RUNX2: variants seen among roughly 807,000 people sequenced by gnomAD.
RUNX2 encodes the protein runt-related transcription factor 2.
In RUNX2, 10 loss-of-function variants were observed where a neutral mutation model predicts 51.7. That is an observed-to-expected ratio of 0.19 (90% CI 0.12 to 0.33). RUNX2 has a LOEUF of 0.33. Ranked by LOEUF, RUNX2 falls within the 10% of genes least tolerant of loss-of-function variation. The probability of loss-of-function intolerance (pLI) is 1.00; values close to 1 mark genes in which losing one functional copy is unlikely to be tolerated. For synonymous variants in RUNX2, 276 were observed against 273.6 expected (o/e 1.01, Z -0.09); for missense variants, 562 against 691.3 (o/e 0.81, Z 2.10).
At chr6:45,396,622 T>C (rs567373050) in intron 2 of RUNX2, among the ~76,000 whole-genome samples, 12 of 152,322 alleles carry the variant, frequency 7.9e-5, no homozygotes, top group African/African-American at 2.9e-4. Flanking sequence ...TTCAGCCTGC[T>C]CTCAAATTCC....
At chr6:45,378,632 T>C (rs2150340173) in intron 2 of RUNX2, among the ~76,000 whole-genome samples, 1 of 152,260 alleles carries the variant, frequency 6.6e-6, no homozygotes, top group East Asian at 1.9e-4. Context: ...TACCATGTTT[T>C]GTTATTGAAA....
At chr6:45,509,627 C>T (rs949314629) in intron 6 of RUNX2, among the ~76,000 whole-genome samples, 1 of 152,118 alleles carries the variant, frequency 6.6e-6, no homozygotes, top group African/African-American at 2.4e-5. Flanking sequence ...TTAGCTAACC[C>T]AGATGAGGTC....
chr6:45,477,658 C>T (rs1350884702), intron 5 of RUNX2, among the ~76,000 whole-genome samples: 3 of 152,220 alleles, frequency 2.0e-5, no homozygotes, highest in Non-Finnish European at 4.4e-5. Context: ...TTCACTCCCT[C>T]AAATCTTTTA....
intron 7 of RUNX2, among the ~76,000 whole-genome samples, chr6:45,529,154 A>G (rs924937864): frequency 3.3e-5 from 5 of 152,138 alleles, no homozygotes; most frequent in African/African-American, 1.2e-4. Flanking sequence ...TTTTTCTTAT[A>G]TTTCCTGTTT....
At chr6:45,427,311 T>G (rs1336539913) in intron 3 of RUNX2, among the ~76,000 whole-genome samples, 2 of 152,098 alleles carry the variant, frequency 1.3e-5, no homozygotes, top group African/African-American at 4.8e-5. Flanking sequence ...TATCTATTGT[T>G]AGATGATCTA....
intron 5 of RUNX2, among the ~76,000 whole-genome samples, chr6:45,452,422 G>A (rs2150380811): frequency 6.6e-6 from 1 of 152,350 alleles, no homozygotes; most frequent in Admixed American, 6.5e-5. Flanking sequence ...ATTCCTTTCA[G>A]CTTTGGAGCT....
chr6:45,498,326 G>A (rs1043662320), intron 6 of RUNX2, among the ~76,000 whole-genome samples: 1 of 152,106 alleles, frequency 6.6e-6, no homozygotes, highest in South Asian at 2.1e-4. Context: ...CTTGCTGAAG[G>A]CTACTTCAGC....
intron 5 of RUNX2, among the ~76,000 whole-genome samples, chr6:45,478,645 TG>T (rs1800026237): frequency 6.6e-6 from 1 of 151,690 alleles, no homozygotes; most frequent in Non-Finnish European, 1.5e-5. Flanking sequence ...TAAATGTGTG[TG>T]TGTGTGTGTG....
intron 2 of RUNX2, among the ~76,000 whole-genome samples, chr6:45,381,932 G>A (rs1050371469): frequency 6.6e-6 from 1 of 152,174 alleles, no homozygotes; most frequent in Non-Finnish European, 1.5e-5. Context: ...GTAGCTTGTA[G>A]AATTGTAATC....
chr6:45,454,339 C>G lies in RUNX2; in HGVS notation c.685+16288C>G, dbSNP rs145845971. ...AATATAAATAAATAAAAATTTGCAA[C>G]TGAATTGGAAAAAATCTGACACTGA... On this transcript the variant is annotated intron_variant, in intron 5 of 8. Transcript: ENST00000647337. Among the ~76,000 whole-genome samples the G allele has an allele frequency of 1.7e-3, 256 of 152,236 alleles. 1 individual carries two copies. The highest frequency in any genetic ancestry group is 5.7e-3 in the African/African-American group (235 of 41,536).
chr6:45,432,290 C>T (rs1798563764), intron 4 of RUNX2, among the ~76,000 whole-genome samples: 3 of 152,086 alleles, frequency 2.0e-5, no homozygotes, highest in African/African-American at 7.2e-5. Context: ...GAGAAAAGAA[C>T]AGTTGGAGGA....
intron 7 of RUNX2, among the ~76,000 whole-genome samples, chr6:45,540,616 A>G (rs1254392622): frequency 6.6e-6 from 1 of 152,188 alleles, no homozygotes; most frequent in Non-Finnish European, 1.5e-5. Flanking sequence ...AATTCAAACA[A>G]GATGCTAGTT....
intron 2 of RUNX2, among the ~76,000 whole-genome samples, chr6:45,373,058 C>T (rs985130826): frequency 6.6e-6 from 1 of 152,088 alleles, no homozygotes; most frequent in East Asian, 1.9e-4. Flanking sequence ...CCACCTGCCT[C>T]GGCCTCCCAA....
intron 5 of RUNX2, among the ~76,000 whole-genome samples, chr6:45,472,408 A>G (rs1035022967): frequency 1.3e-5 from 2 of 152,304 alleles, no homozygotes; most frequent in African/African-American, 4.8e-5. Context: ...CCCAGAAAGA[A>G]CATCCTTAGG....
At chr6:45,538,179 G>A (rs530357313) in intron 7 of RUNX2, among the ~76,000 whole-genome samples, 11 of 152,210 alleles carry the variant, frequency 7.2e-5, no homozygotes, top group African/African-American at 1.2e-4. Context: ...TACCACTAGC[G>A]CAGGCCACAG....
rs114214663 is a variant in RUNX2 at position 45,375,950 on chromosome 6, G to C, written c.59-46643G>C. On this transcript the variant is annotated intron_variant, in intron 2 of 8. Coordinates refer to ENST00000647337, the MANE Select transcript of RUNX2 (RefSeq NM_001024630.4). The stretch of plus-strand genomic sequence containing the variant: ...AAAACTAGTTCTAAAATGTCCTAAT[G>C]CTCAAGAGTTACAATTTTTCAAATC... Among the ~76,000 whole-genome samples the C allele has an allele frequency of 2.6e-3, 390 of 152,072 alleles. 3 individuals carry two copies. Among genetic ancestry groups the C allele is most frequent in the African/African-American group, 8.6e-3 (356 of 41,464 alleles).
intron 7 of RUNX2, 98 bp from the exon 8 acceptor site, chr6:45,545,119 T>C: frequency 2.0e-6 from 2 of 977,014 alleles, no homozygotes; most frequent in Non-Finnish European, 3.1e-6. Context: ...TGTCTACCCC[T>C]CCCCTAAGGC....
At position 45,492,093 on chromosome 6, in the gene RUNX2, C is replaced by G; in HGVS notation, c.838C>G (p.Gln280Glu). 6.8e-6 allele frequency: 11 copies of G among 1,613,714 alleles called. No homozygotes were observed. Among genetic ancestry groups the G allele is most frequent in the Non-Finnish European group, 7.6e-6 (9 of 1,179,818 alleles). Residue 280 changes from glutamine (Q) to glutamate (E), a missense_variant, in exon 6 of 9, where the codon CAA (glutamine) becomes GAA (glutamate). Physicochemically the swap from Gln to Glu is conservative, Grantham distance 29 (BLOSUM62 2). Coordinates refer to ENST00000647337, the MANE Select transcript of RUNX2 (RefSeq NM_001024630.4). ...CTCTGCACCAAGTCCTTTTAATCCACAAGGACAGAGTCAGATTACAGGTAA... is the reference window on the plus strand; with the variant it reads ...CTCTGCACCAAGTCCTTTTAATCCAGAAGGACAGAGTCAGATTACAGGTAA... ...LNSAPSPFNP[Q>E]GQSQITDPRQ...
At chr6:45,539,754 T>G (rs1802158656) in intron 7 of RUNX2, among the ~76,000 whole-genome samples, 1 of 152,202 alleles carries the variant, frequency 6.6e-6, no homozygotes, top group Non-Finnish European at 1.5e-5. Context: ...CTTTGCAAAA[T>G]TTTTTGAAGC....
Sources: allele counts gnomAD v4.1 joint callset (sites outside exome capture counted in the v4.1 genomes callset), GRCh38; gene constraint gnomAD v4.1.1; transcripts MANE v1.5; gene names NCBI Gene and HGNC (gene_info 2026-07-23, HGNC 2026-07-21).